The following ATG4B variants were observed in gnomAD, a reference collection of about 807,000 sequenced individuals.
The protein encoded by ATG4B is cysteine protease ATG4B.
A neutral mutation model predicts 56.6 loss-of-function variants in ATG4B; 29 were observed. That is an observed-to-expected ratio of 0.51 (90% CI 0.38 to 0.70). ATG4B has a LOEUF of 0.70. Among genes scored for constraint, ATG4B ranks in the 30% least tolerant of loss-of-function variants. ATG4B has a pLI of 0.00. For missense variants in ATG4B, 461 were observed against 515.5 expected, an observed-to-expected ratio of 0.89 and a Z score of 1.02; for synonymous variants, 224 against 206.1, an observed-to-expected ratio of 1.09 and a Z score of -0.74.
chr2:241,664,310 C>T (rs946261330), intron 7 of ATG4B, among the ~76,000 whole-genome samples: 2 of 152,142 alleles, frequency 1.3e-5, no homozygotes, highest in Admixed American at 1.3e-4. Flanking sequence ...AGGCAGATTG[C>T]TTGAGTCCAG....
chr2:241,663,827 T>G (rs888711474), intron 7 of ATG4B, among the ~76,000 whole-genome samples: 1 of 151,170 alleles, frequency 6.6e-6, no homozygotes, highest in African/African-American at 2.4e-5. Context: ...TTTTTTTTTT[T>G]GGAACAGTTC....
intron 5 of ATG4B, 133 bp downstream of exon 5, chr2:241,654,780 C>G (rs2068343184): frequency 1.4e-6 from 1 of 702,030 alleles, no homozygotes; most frequent in Non-Finnish European, 2.5e-6. Flanking sequence ...ACACTGACCT[C>G]TGACCATCTG....
chr2:241,668,526 C>A lies in ATG4B; in HGVS notation c.812-14C>A, dbSNP rs937375297. On this transcript the variant is annotated splice_polypyrimidine_tract_variant and intron_variant, in intron 9 of 12. Coordinates refer to ENST00000404914, the MANE Select transcript of ATG4B (RefSeq NM_013325.5). The surrounding 1 kb of genome is among the most constrained non-coding windows in gnomAD (Gnocchi z 4.2). The stretch of plus-strand genomic sequence containing the variant: ...GCTCGGCCACCCACCTGCCCACCTG[C>A]CTCATCCTCCCAGGTGAGGAGCTCA... The A allele has an allele frequency of 5.0e-6, 8 of 1,605,882 alleles. No individual in the cohort carries two copies. The highest frequency in any genetic ancestry group is 1.7e-4 in the Middle Eastern group (1 of 6,060).
chr2:241,672,201 T>G lies in ATG4B; in HGVS notation c.1119T>G (p.Asp373Glu). The change falls in exon 13 of 13, where the codon GAT (aspartate) becomes GAG (glutamate). Residue 373 changes from aspartate to glutamate, a missense_variant. Asp to Glu is a conservative substitution (Grantham distance 45). Coordinates refer to ENST00000404914, the MANE Select transcript of ATG4B (RefSeq NM_013325.5). ...DVLNLSLDSS[D>E]VERLERFFDS... Reference sequence around the variant, plus strand: ...TCCTGTTCCTTCTAGATTCTTCTGATGTAGAGCGACTGGAAAGATTCTTCG... The same window carrying G: ...TCCTGTTCCTTCTAGATTCTTCTGAGGTAGAGCGACTGGAAAGATTCTTCG... 1 of 1,581,974 alleles carries G rather than the reference T, an allele frequency of 6.3e-7. No individual in the cohort carries two copies. Among genetic ancestry groups the G allele is most frequent in the Non-Finnish European group, 8.6e-7 (1 of 1,163,532 alleles).
At chr2:241,654,466 CATCTGT>C in intron 4 of ATG4B, 74 bp from the exon 5 acceptor site, 1 of 857,336 alleles carries the variant, frequency 1.2e-6, no homozygotes, top group Non-Finnish European at 1.8e-6. Context: ...GTTTGGATGC[CATCTGT>C]ATCTTTAGTG....
intron 8 of ATG4B, 148 bp downstream of exon 8, chr2:241,666,986 G>A: frequency 3.3e-6 from 3 of 899,636 alleles, no homozygotes; most frequent in Non-Finnish European, 5.0e-6. Context: ...CGTTGCCCAA[G>A]GGGTGAGTGG....
At chr2:241,650,027 G>A (rs779225398) in intron 1 of ATG4B, among the ~76,000 whole-genome samples, 15 of 152,080 alleles carry the variant, frequency 9.9e-5, no homozygotes, top group Non-Finnish European at 1.3e-4. Flanking sequence ...CAGGTGATCT[G>A]CCCACCTCGG....
intron 1 of ATG4B, 21 bp downstream of exon 1, chr2:241,637,745 G>A (rs547076749): frequency 2.5e-6 from 4 of 1,571,356 alleles, no homozygotes; most frequent in Non-Finnish European, 3.4e-6. Flanking sequence ...GCCGGGGGTC[G>A]GTCTTTCCGC....
chr2:241,655,567 G>A, intron 6 of ATG4B: 1 of 574,498 alleles, frequency 1.7e-6, no homozygotes, highest in Non-Finnish European at 3.1e-6. Flanking sequence ...CTGGCACATT[G>A]GACCCTTGTT....
chr2:241,644,017 G>C (rs1366667937), intron 1 of ATG4B, among the ~76,000 whole-genome samples: 1 of 152,170 alleles, frequency 6.6e-6, no homozygotes, highest in East Asian at 1.9e-4. Flanking sequence ...TGCTGAGGCA[G>C]CTGGTGTCAG....
intron 1 of ATG4B, among the ~76,000 whole-genome samples, chr2:241,643,868 A>T (rs1200464362): frequency 6.6e-6 from 1 of 151,942 alleles, no homozygotes; most frequent in Admixed American, 6.6e-5. Flanking sequence ...CGGCGAGTGG[A>T]TATTTTTTCC....
At chr2:241,669,787 G>T (rs1359888894) in intron 10 of ATG4B, among the ~76,000 whole-genome samples, 1 of 152,188 alleles carries the variant, frequency 6.6e-6, no homozygotes, top group Non-Finnish European at 1.5e-5. Context: ...GATTACAGGC[G>T]TGAGCCACTG....
At chr2:241,666,030 C>T (rs765072968) in intron 7 of ATG4B, among the ~76,000 whole-genome samples, 2 of 152,246 alleles carry the variant, frequency 1.3e-5, no homozygotes, top group Non-Finnish European at 1.5e-5. Context: ...GTTTTGAGCC[C>T]TCCCTTATGT....
chr2:241,668,483 T>C lies in ATG4B; in HGVS notation c.812-57T>C. 6.3e-7 allele frequency: 1 copy of C among 1,575,146 alleles called. No homozygotes were observed. The highest frequency in any genetic ancestry group is 8.6e-7 in the Non-Finnish European group (1 of 1,165,988). ...AGTGGGTCTGAAATGCGGCCTCCTCTGTCCCTTTCCTCTGCCGGCTCGGCC... is the reference window on the plus strand; with the variant it reads ...AGTGGGTCTGAAATGCGGCCTCCTCCGTCCCTTTCCTCTGCCGGCTCGGCC... On this transcript the variant is annotated intron_variant, in intron 9 of 12. Coordinates refer to ENST00000404914, the MANE Select transcript of ATG4B (RefSeq NM_013325.5). The surrounding 1 kb of genome is among the most constrained non-coding windows in gnomAD (Gnocchi z 4.2).
intron 12 of ATG4B, chr2:241,671,648 G>T: frequency 6.9e-7 from 1 of 1,445,366 alleles, no homozygotes. Flanking sequence ...GCGCTGTGGA[G>T]CTGGGCGTGC....
At chr2:241,644,770 G>A (rs2068011329) in intron 1 of ATG4B, among the ~76,000 whole-genome samples, 1 of 151,972 alleles carries the variant, frequency 6.6e-6, no homozygotes, top group African/African-American at 2.4e-5. Context: ...ACCAACATGG[G>A]AGAAACCCAT....
chr2:241,670,628 G>A (rs2068937606), intron 10 of ATG4B, 98 bp from the exon 11 acceptor site: 3 of 1,112,898 alleles, frequency 2.7e-6, no homozygotes, highest in Non-Finnish European at 4.0e-6. Flanking sequence ...CATGCTGGGG[G>A]CCTCTGCTGC....
intron 4 of ATG4B, among the ~76,000 whole-genome samples, chr2:241,653,971 A>G (rs2068304020): frequency 6.8e-6 from 1 of 147,618 alleles, no homozygotes; most frequent in African/African-American, 2.5e-5. Context: ...AGCCTCTGCA[A>G]CAGAGTTAGA....
intron 6 of ATG4B, among the ~76,000 whole-genome samples, chr2:241,656,972 C>CTTTCTTTT (rs1559260701): frequency 6.7e-6 from 1 of 148,836 alleles, no homozygotes. Context: ...GGACTCCTCT[C>CTTTCTTTT]TTTTTTCTTT....
Sources: gnomAD v4.1 joint callset for allele counts (sites outside exome capture counted in the v4.1 genomes callset) on GRCh38, gnomAD v4.1.1 for gene constraint, Gnocchi (gnomAD v3.1) non-coding constraint, MANE v1.5 for transcripts, NCBI Gene and HGNC (gene_info 2026-07-23, HGNC 2026-07-21) for gene names.